The following GDE1 variants were observed in gnomAD, a reference collection of about 807,000 sequenced individuals.
The protein encoded by GDE1 is RGS16-interacting membrane protein.
In GDE1, 24 loss-of-function variants were observed where a neutral mutation model predicts 32.2. The ratio of observed to expected loss-of-function variants is 0.75; its 90% CI spans 0.54 to 1.05. GDE1 has a LOEUF of 1.05. Among genes scored for constraint, GDE1 ranks in the 50% least tolerant of loss-of-function variants. The pLI, the probability that GDE1 is intolerant of heterozygous loss-of-function variation, is 0.00. For synonymous variants in GDE1, 159 were observed against 158.6 expected (o/e 1.00, Z -0.02); for missense variants, 380 against 415.0 (o/e 0.92, Z 0.73).
chr16:19,508,052 C>T (rs1047932808), intron 3 of GDE1, among the ~76,000 whole-genome samples: 3 of 152,138 alleles, frequency 2.0e-5, no homozygotes, highest in Non-Finnish European at 4.4e-5. Flanking sequence ...TGTGGTAAGC[C>T]GTAGGTCAGA....
intron 3 of GDE1, among the ~76,000 whole-genome samples, chr16:19,509,370 C>T (rs1004798810): frequency 1.3e-5 from 2 of 152,034 alleles, no homozygotes; most frequent in African/African-American, 4.8e-5. Flanking sequence ...ATCAGGGTTC[C>T]CAAATGTGGG....
chr16:19,507,141 AAAATAAAT>A (rs79540258), intron 4 of GDE1, among the ~76,000 whole-genome samples: 24,690 of 143,338 alleles, frequency 0.17, 3,214 homozygotes, highest in East Asian at 0.4. Flanking sequence ...CCCGTCTTTT[AAAATAAAT>A]AAATAAATAA....
intron 1 of GDE1, 36 bp downstream of exon 1, chr16:19,521,668 C>T (rs773440711): frequency 6.9e-6 from 11 of 1,601,888 alleles, no homozygotes; most frequent in Non-Finnish European, 9.4e-6. Flanking sequence ...TCCGAGCTCT[C>T]GGGAGGACCG....
chr16:19,506,110 A>C lies in GDE1; in HGVS notation c.637-1018T>G, dbSNP rs73542160. ...GACGGAAAAACACCCTCATCTCTAG[A>C]GTTATCTTGCCAAGAATAACCAACC... is the stretch of plus-strand genomic sequence containing the variant. On this transcript the variant is annotated intron_variant, in intron 4 of 5. Coordinates refer to ENST00000353258, the MANE Select transcript of GDE1 (RefSeq NM_016641.4). Among the ~76,000 whole-genome samples the C allele has an allele frequency of 5.4e-3, 827 of 152,222 alleles. 7 individuals carry two copies. Among genetic ancestry groups the C allele is most frequent in the African/African-American group, 0.018 (757 of 41,544 alleles).
Position 19,521,892 on chromosome 16 carries a change from TCACCAGCAGCAG to T in GDE1, c.61_72del (p.Leu21_Val24del). 1 of 1,600,978 alleles carries T rather than the reference TCACCAGCAGCAG, an allele frequency of 6.2e-7. No individual in the cohort carries two copies. The highest frequency in any genetic ancestry group is 1.1e-5 in the South Asian group (1 of 88,940). ...AGGCAGGCATTGACCGGGCTCCGCG[TCACCAGCAGCAG>T]CACTAGCAGCAGGAAGGAGAAAGGG... On this transcript the variant is annotated inframe_deletion, in exon 1 of 6. Transcript: ENST00000353258.
intron 5 of GDE1, 39 bp downstream of exon 5, chr16:19,504,842 G>T: frequency 1.6e-6 from 2 of 1,273,424 alleles, no homozygotes; most frequent in African/African-American, 1.5e-5. Context: ...GAGCATTCAG[G>T]ATGTCTGTCT....
At chr16:19,518,311 T>TAAAACA (rs549817313) in intron 1 of GDE1, among the ~76,000 whole-genome samples, 261 of 152,328 alleles carry the variant, frequency 1.7e-3, no homozygotes, top group African/African-American at 5.3e-3. Context: ...CTTTCTGTAC[T>TAAAACA]AAAACAAAAA....
At chr16:19,511,181 G>C (rs1360413086) in intron 2 of GDE1, among the ~76,000 whole-genome samples, 2 of 151,236 alleles carry the variant, frequency 1.3e-5, no homozygotes, top group Non-Finnish European at 2.9e-5. Context: ...CAGCTCACTG[G>C]AACTACCAAC....
chr16:19,520,460 A>C (rs1969436365), intron 1 of GDE1, among the ~76,000 whole-genome samples: 1 of 151,928 alleles, frequency 6.6e-6, no homozygotes, highest in Non-Finnish European at 1.5e-5. Flanking sequence ...ATGATGGCTC[A>C]TGCCTGTAAT....
At chr16:19,512,216 A>G (rs913316965) in intron 2 of GDE1, among the ~76,000 whole-genome samples, 40 of 152,144 alleles carry the variant, frequency 2.6e-4, no homozygotes, top group African/African-American at 9.2e-4. Flanking sequence ...TTTGCTCTGT[A>G]TCCTCGCCAG....
intron 5 of GDE1, 41 bp downstream of exon 5, chr16:19,504,840 A>G: frequency 8.0e-7 from 1 of 1,257,782 alleles, no homozygotes; most frequent in Non-Finnish European, 1.1e-6. Context: ...AAGAGCATTC[A>G]GGATGTCTGT....
chr16:19,517,995 C>T (rs914540993), intron 1 of GDE1, among the ~76,000 whole-genome samples: 5 of 151,954 alleles, frequency 3.3e-5, no homozygotes, highest in Non-Finnish European at 5.9e-5. Context: ...TCAAGCCATC[C>T]TCCCACCTCA....
Position 19,522,055 on chromosome 16 carries a change from C to T in GDE1, c.-91G>A. 1 of 1,347,058 alleles carries T rather than the reference C, an allele frequency of 7.4e-7. No individual in the cohort carries two copies. The highest frequency in any genetic ancestry group is 9.9e-7 in the Non-Finnish European group (1 of 1,009,014). The allele number at this position is 1,347,058 out of a possible 1,614,324, so 83.4% of individuals were successfully genotyped here. On this transcript the variant is annotated 5_prime_UTR_variant, in exon 1 of 6. It adds an upstream start codon to the 5' untranslated region. Transcript: ENST00000353258. ...GAAGCGAGGGGGAGGGTCCAAGGCA[C>T]CGGCAGCAGCAGGAACCCTCTGAGG... is the stretch of plus-strand genomic sequence containing the variant.
intron 1 of GDE1, among the ~76,000 whole-genome samples, chr16:19,520,900 T>G (rs1156804428): frequency 6.6e-6 from 1 of 152,122 alleles, no homozygotes; most frequent in Non-Finnish European, 1.5e-5. Context: ...TATCAAAAGT[T>G]TCAGGAGTGC....
At chr16:19,514,348 G>A (rs1174968167) in intron 2 of GDE1, among the ~76,000 whole-genome samples, 1 of 152,160 alleles carries the variant, frequency 6.6e-6, no homozygotes, top group Non-Finnish European at 1.5e-5. Context: ...GAACCTCCAT[G>A]TGTTCAAATA....
chr16:19,516,938 G>T, intron 2 of GDE1, 76 bp downstream of exon 2: 2 of 1,267,704 alleles, frequency 1.6e-6, no homozygotes, highest in Non-Finnish European at 2.3e-6. Context: ...TGGGGCAGAT[G>T]TAATTAGAAG....
At chr16:19,508,658 C>T (rs568317457) in intron 3 of GDE1, among the ~76,000 whole-genome samples, 1 of 152,214 alleles carries the variant, frequency 6.6e-6, no homozygotes, top group South Asian at 2.1e-4. Context: ...TGAACAAAGA[C>T]ATGCACTGTA....
chr16:19,504,630 A>G, intron 5 of GDE1: 1 of 418,324 alleles, frequency 2.4e-6, no homozygotes, highest in Non-Finnish European at 4.3e-6. Context: ...TGCTCAGCAT[A>G]GTGTCACAGG....
chr16:19,510,915 G>A lies in GDE1; in HGVS notation c.467C>T (p.Thr156Ile), dbSNP rs1391423642. 2 of 1,594,728 alleles carry A rather than the reference G, an allele frequency of 1.3e-6. No individual in the cohort carries two copies. The highest frequency in any genetic ancestry group is 1.7e-6 in the Non-Finnish European group (2 of 1,165,656). ...RNDFPDEKIP[T>I]LREAVAECLN... is the part of the protein sequence containing the mutation. ...GCACTCTGCAACAGCTTCCCTTAGG[G>A]TAGGGATCTTTTCATCAGGGAAATC... Residue 156 changes from threonine to isoleucine, a missense_variant, in exon 3 of 6, where the codon ACC becomes ATC. Coordinates refer to ENST00000353258, the MANE Select transcript of GDE1 (RefSeq NM_016641.4).
Sources: allele counts gnomAD v4.1 joint callset (sites outside exome capture counted in the v4.1 genomes callset), GRCh38; gene constraint gnomAD v4.1.1; transcripts MANE v1.5; gene names NCBI Gene and HGNC (gene_info 2026-07-23, HGNC 2026-07-21).